Variants in RFX3 observed in about 807,000 individuals in gnomAD.
The protein encoded by RFX3 is transcription factor RFX3.
Under a neutral mutation model 98.6 loss-of-function variants are expected in RFX3, and 14 were observed. The observed-to-expected ratio is 0.14, with a 90% confidence interval of 0.09 to 0.22. The LOEUF (loss-of-function observed/expected upper bound fraction) is 0.22. Ranked by LOEUF, RFX3 falls within the 10% of genes least tolerant of loss-of-function variation. The pLI, the probability that RFX3 is intolerant of heterozygous loss-of-function variation, is 1.00. For synonymous variants in RFX3, 383 were observed against 328.4 expected (o/e 1.17, Z -1.80); for missense variants, 639 against 926.9 (o/e 0.69, Z 4.03).
intron 2 of RFX3, among the ~76,000 whole-genome samples, chr9:3,359,950 A>G (rs1040095052): frequency 6.6e-6 from 1 of 152,162 alleles, no homozygotes; most frequent in African/African-American, 2.4e-5. Context: ...TTACTAAGTT[A>G]TCTATTACAA....
intron 1 of RFX3, among the ~76,000 whole-genome samples, chr9:3,506,109 C>T (rs528199834): frequency 4.6e-5 from 7 of 151,310 alleles, no homozygotes; most frequent in Non-Finnish European, 5.9e-5. Flanking sequence ...ACTTCACAAA[C>T]GGCACTAAAT....
At chr9:3,505,256 A>G (rs1256090640) in intron 1 of RFX3, among the ~76,000 whole-genome samples, 5 of 74,718 alleles carry the variant, frequency 6.7e-5, no homozygotes, top group African/African-American at 3.6e-4. Context: ...ATATATGAAT[A>G]TATATTTATA....
chr9:3,302,196 A>C (rs1336504016), intron 4 of RFX3, among the ~76,000 whole-genome samples: 1 of 151,878 alleles, frequency 6.6e-6, no homozygotes, highest in Non-Finnish European at 1.5e-5. Context: ...AAGAAGTAAA[A>C]TGATGGTCCC....
intron 3 of RFX3, among the ~76,000 whole-genome samples, chr9:3,340,789 C>A (rs1833795494): frequency 1.3e-5 from 2 of 152,156 alleles, no homozygotes; most frequent in Non-Finnish European, 2.9e-5. Context: ...AATAGAAACA[C>A]TTTTACTCTG....
intron 3 of RFX3, among the ~76,000 whole-genome samples, chr9:3,333,401 C>A (rs56807219): frequency 6.7e-6 from 1 of 149,424 alleles, no homozygotes; most frequent in South Asian, 2.1e-4. Flanking sequence ...AAAGTTTAGT[C>A]TGGGGTGATG....
intron 1 of RFX3, among the ~76,000 whole-genome samples, chr9:3,505,240 T>TTA (rs1211501193): frequency 4.8e-5 from 4 of 84,164 alleles, no homozygotes; most frequent in South Asian, 4.3e-4. Flanking sequence ...GAATATATAT[T>TTA]TATATATATA....
At chr9:3,470,835 G>T (rs1043071326) in intron 1 of RFX3, among the ~76,000 whole-genome samples, 17 of 152,140 alleles carry the variant, frequency 1.1e-4, no homozygotes, top group Non-Finnish European at 2.1e-4. Flanking sequence ...CTTTAAATGA[G>T]CAGGATAAGA....
chr9:3,270,633 T>A (rs1824298994), intron 10 of RFX3, 108 bp from the exon 11 acceptor site: 1 of 1,107,710 alleles, frequency 9.0e-7, no homozygotes, highest in Non-Finnish European at 1.3e-6. Context: ...GTTAGAACTA[T>A]ACCACCATTG....
At chr9:3,478,173 T>G (rs1408189325) in intron 1 of RFX3, among the ~76,000 whole-genome samples, 3 of 152,152 alleles carry the variant, frequency 2.0e-5, no homozygotes, top group African/African-American at 7.2e-5. Flanking sequence ...TTTTATTATT[T>G]GTCTCTGTGT....
At chr9:3,265,714 C>T (rs2131266616) in intron 12 of RFX3, among the ~76,000 whole-genome samples, 1 of 152,148 alleles carries the variant, frequency 6.6e-6, no homozygotes, top group South Asian at 2.1e-4. Context: ...ACTTTATTCA[C>T]AAAAGCATTC....
intron 14 of RFX3, among the ~76,000 whole-genome samples, chr9:3,251,269 C>T (rs949262554): frequency 6.6e-6 from 1 of 152,042 alleles, no homozygotes; most frequent in Non-Finnish European, 1.5e-5. Flanking sequence ...TTTTATTTAA[C>T]CCAAAAAGAA....
intron 1 of RFX3, among the ~76,000 whole-genome samples, chr9:3,413,772 C>G (rs1414259540): frequency 5.3e-5 from 8 of 152,032 alleles, no homozygotes; most frequent in African/African-American, 1.9e-4. Flanking sequence ...CTTGACAACT[C>G]TTAGTAAGGC....
At chr9:3,322,690 G>C (rs1195846178) in intron 4 of RFX3, among the ~76,000 whole-genome samples, 1 of 152,116 alleles carries the variant, frequency 6.6e-6, no homozygotes, top group African/African-American at 2.4e-5. Flanking sequence ...CTGAGATTGT[G>C]CCACTGCACT....
intron 2 of RFX3, among the ~76,000 whole-genome samples, chr9:3,373,803 G>C (rs960221955): frequency 6.6e-6 from 1 of 152,206 alleles, no homozygotes; most frequent in African/African-American, 2.4e-5. Context: ...TACCAGCCAA[G>C]CACAGTGGCT....
At chr9:3,521,938 A>G (rs1444854135) in intron 1 of RFX3, among the ~76,000 whole-genome samples, 1 of 152,122 alleles carries the variant, frequency 6.6e-6, no homozygotes, top group Non-Finnish European at 1.5e-5. Flanking sequence ...AGAATTGATA[A>G]GTGTTTTGTG....
chr9:3,307,802 A>C (rs1004281277), intron 4 of RFX3, among the ~76,000 whole-genome samples: 1 of 152,230 alleles, frequency 6.6e-6, no homozygotes, highest in Admixed American at 6.5e-5. Flanking sequence ...TCACATTAAC[A>C]AGAGGCCTTG....
chr9:3,408,512 T>C (rs992796327), intron 1 of RFX3, among the ~76,000 whole-genome samples: 8 of 152,108 alleles, frequency 5.3e-5, no homozygotes, highest in African/African-American at 1.4e-4. Flanking sequence ...AAAAGAAATT[T>C]TTCAAGTCTC....
chr9:3,518,407 C>T (rs1321402680), intron 1 of RFX3, among the ~76,000 whole-genome samples: 6 of 152,170 alleles, frequency 3.9e-5, no homozygotes, highest in Admixed American at 2.0e-4. Context: ...ACAAAAATAA[C>T]GCAAAGGGGG....
At chr9:3,463,523 T>A (rs1847907018) in intron 1 of RFX3, among the ~76,000 whole-genome samples, 1 of 152,156 alleles carries the variant, frequency 6.6e-6, no homozygotes, top group Admixed American at 6.5e-5. Flanking sequence ...TAAAGACTTA[T>A]TCTTTGAAAA....
Sources: allele counts gnomAD v4.1 joint callset (sites outside exome capture counted in the v4.1 genomes callset), GRCh38; gene constraint gnomAD v4.1.1; transcripts MANE v1.5; gene names NCBI Gene and HGNC (gene_info 2026-07-23, HGNC 2026-07-21).